CORO2B: variants seen among roughly 807,000 people sequenced by gnomAD.
The protein encoded by CORO2B is coronin-2B.
In CORO2B, 26 loss-of-function variants were observed where a neutral mutation model predicts 58.8. That is an observed-to-expected ratio of 0.44 (90% CI 0.32 to 0.61). The LOEUF (loss-of-function observed/expected upper bound fraction) is 0.61, where lower values mean the gene tolerates loss of function less well. Ranked by LOEUF, CORO2B falls within the 20% of genes least tolerant of loss-of-function variation. CORO2B has a pLI of 0.04. For missense variants in CORO2B, 460 were observed against 645.1 expected (o/e 0.71, Z 3.11); for synonymous variants, 242 against 253.8 (o/e 0.95, Z 0.44).
chr15:68,549,663 G>T, the CORO2B span, among the ~76,000 whole-genome samples: 1 of 152,340 alleles, frequency 6.6e-6, no homozygotes, highest in Non-Finnish European at 1.5e-5. Flanking sequence ...TGGTGGCTGG[G>T]CACAGTGGCT....
the CORO2B span, among the ~76,000 whole-genome samples, chr15:68,539,581 G>A: frequency 6.8e-6 from 1 of 146,244 alleles, no homozygotes; most frequent in Non-Finnish European, 1.6e-5. Flanking sequence ...GGGCTGAGGT[G>A]GGAAGATCGC....
chr15:68,543,844 A>G, the CORO2B span, among the ~76,000 whole-genome samples: 1 of 151,962 alleles, frequency 6.6e-6, no homozygotes, highest in East Asian at 1.9e-4. Context: ...GTGACTGCCA[A>G]ACTGGGCATC....
At chr15:68,588,006 G>A (rs141807114) in intron 1 of CORO2B, among the ~76,000 whole-genome samples, 212 of 152,342 alleles carry the variant, frequency 1.4e-3, no homozygotes, top group Non-Finnish European at 2.5e-3. Flanking sequence ...ATGTCTCTGA[G>A]CGTCTGTGAA....
intron 2 of CORO2B, among the ~76,000 whole-genome samples, chr15:68,657,901 A>C (rs1284144691): frequency 6.6e-6 from 1 of 152,160 alleles, no homozygotes; most frequent in African/African-American, 2.4e-5. Context: ...CCTTGGAAAT[A>C]AAATCAGAGG....
intron 2 of CORO2B, among the ~76,000 whole-genome samples, chr15:68,669,937 A>G (rs1902330585): frequency 6.6e-6 from 1 of 151,746 alleles, no homozygotes; most frequent in Admixed American, 6.6e-5. Flanking sequence ...CATGCCTGTA[A>G]TCCCAGCTAC....
chr15:68,629,278 G>T (rs1900762854), intron 1 of CORO2B, among the ~76,000 whole-genome samples: 1 of 152,246 alleles, frequency 6.6e-6, no homozygotes, highest in African/African-American at 2.4e-5. Context: ...TCTGCTGTGT[G>T]TGGTTGTCAG....
chr15:68,612,062 C>T (rs530518287), intron 1 of CORO2B, among the ~76,000 whole-genome samples: 9 of 152,344 alleles, frequency 5.9e-5, no homozygotes, highest in African/African-American at 2.2e-4. Flanking sequence ...GGAGCCACTG[C>T]ACCCGGCCTC....
At chr15:68,541,409 T>C in the CORO2B span, among the ~76,000 whole-genome samples, 1 of 152,310 alleles carries the variant, frequency 6.6e-6, no homozygotes, top group Non-Finnish European at 1.5e-5. Flanking sequence ...GAGTTCATAC[T>C]CAGTGACATC....
chr15:68,551,361 G>T, the CORO2B span, among the ~76,000 whole-genome samples: 2 of 152,108 alleles, frequency 1.3e-5, no homozygotes, highest in Non-Finnish European at 2.9e-5. Flanking sequence ...GCAGGCCCAG[G>T]CCCAACCTGG....
chr15:68,584,167 A>T (rs1266265438), intron 1 of CORO2B, among the ~76,000 whole-genome samples: 1 of 152,260 alleles, frequency 6.6e-6, no homozygotes, highest in East Asian at 1.9e-4. Flanking sequence ...TCCAGTGGGC[A>T]TGAGCCAGGA....
intron 2 of CORO2B, among the ~76,000 whole-genome samples, chr15:68,651,017 C>T (rs970475086): frequency 6.6e-6 from 1 of 152,022 alleles, no homozygotes; most frequent in Admixed American, 6.6e-5. Context: ...AATATGGGCT[C>T]GCGGTAGAAA....
intron 3 of CORO2B, among the ~76,000 whole-genome samples, chr15:68,706,767 T>C (rs531469225): frequency 1.3e-5 from 2 of 152,258 alleles, no homozygotes; most frequent in Non-Finnish European, 2.9e-5. Flanking sequence ...TAAAGTGTAG[T>C]GGTGTGATCA....
chr15:68,623,133 C>G (rs1038155598), intron 1 of CORO2B, among the ~76,000 whole-genome samples: 1 of 152,094 alleles, frequency 6.6e-6, no homozygotes, highest in African/African-American at 2.4e-5. Flanking sequence ...CTACTGCACT[C>G]CAGCCTGGAC....
chr15:68,551,915 TCTC>T, the CORO2B span, among the ~76,000 whole-genome samples: 1 of 149,304 alleles, frequency 6.7e-6, no homozygotes, highest in Non-Finnish European at 1.5e-5. Context: ...CACCTTCCCC[TCTC>T]CTCCCATACA....
rs143108970 is a variant in CORO2B at position 68,594,495 on chromosome 15, A to T, written c.15+15218A>T. The stretch of plus-strand genomic sequence containing the variant: ...TTGTATCTCCCATGGCCTGGTGAAC[A>T]CTAATTCCTTGGGCAGGGTGGTCCC... On this transcript the variant is annotated intron_variant, in intron 1 of 11. Coordinates refer to ENST00000261861, the MANE Select transcript of CORO2B (RefSeq NM_006091.5). Among the ~76,000 whole-genome samples, 692 of 152,306 alleles carry T rather than the reference A, an allele frequency of 4.5e-3. 11 individuals are homozygous for T. Among genetic ancestry groups the T allele is most frequent in the African/African-American group, 0.016 (671 of 41,552 alleles).
At chr15:68,722,589 G>A (rs529309541) in intron 11 of CORO2B, among the ~76,000 whole-genome samples, 2 of 152,188 alleles carry the variant, frequency 1.3e-5, no homozygotes, top group South Asian at 4.2e-4. Flanking sequence ...CGGTTTTTTT[G>A]ACAAAAGTGG....
intron 1 of CORO2B, among the ~76,000 whole-genome samples, chr15:68,603,023 G>T (rs1279562503): frequency 6.6e-6 from 1 of 152,190 alleles, no homozygotes; most frequent in African/African-American, 2.4e-5. Flanking sequence ...GAGCAGGAAG[G>T]TGTCAAAGAG....
rs112673362 is a variant in CORO2B at position 68,645,779 on chromosome 15, A to AT, written c.216+431dup. On this transcript the variant is annotated intron_variant, in intron 2 of 11. Transcript: ENST00000261861. The surrounding 1 kb of genome is among the most constrained non-coding windows in gnomAD (Gnocchi z 4.5). ...ATTGAGCATCTGCAAAAATTATACAATTTTTTTTTTTTGAGATGGAGTCTT... is the reference window on the plus strand; with the variant it reads ...ATTGAGCATCTGCAAAAATTATACAATTTTTTTTTTTTTGAGATGGAGTCTT... Among the ~76,000 whole-genome samples, 3,261 of 146,968 alleles carry AT rather than the reference A, an allele frequency of 0.022. 69 individuals carry two copies. The highest frequency in any genetic ancestry group is 0.055 in the African/African-American group (2,221 of 40,362).
chr15:68,545,123 T>A, the CORO2B span, among the ~76,000 whole-genome samples: 1 of 152,138 alleles, frequency 6.6e-6, no homozygotes, highest in Non-Finnish European at 1.5e-5. Context: ...TAGATTCCCA[T>A]GCCCCACATG....
Sources: allele counts gnomAD v4.1 joint callset (sites outside exome capture counted in the v4.1 genomes callset), GRCh38; gene constraint gnomAD v4.1.1; non-coding constraint Gnocchi (gnomAD v3.1); transcripts MANE v1.5; gene names NCBI Gene and HGNC (gene_info 2026-07-23, HGNC 2026-07-21).